Variants in MCM5 observed in about 807,000 individuals in gnomAD.
MCM5 encodes the protein minichromosome maintenance complex component 5, also known as DNA replication licensing factor MCM5.
In MCM5, 46 loss-of-function variants were observed where a neutral mutation model predicts 79.9. The observed-to-expected ratio is 0.58, with a 90% confidence interval of 0.45 to 0.74. The LOEUF is 0.74. Ranked by LOEUF, MCM5 falls within the 30% of genes least tolerant of loss-of-function variation. The pLI is 0.00. For synonymous variants in MCM5, 404 were observed against 390.5 expected (o/e 1.03, Z -0.41); for missense variants, 883 against 1,017.0 (o/e 0.87, Z 1.79).
At chr22:35,415,346 G>A (rs1423051141) in intron 9 of MCM5, among the ~76,000 whole-genome samples, 1 of 152,152 alleles carries the variant, frequency 6.6e-6, no homozygotes, top group African/African-American at 2.4e-5. Context: ...CTTTGAAATC[G>A]TGCGTATTTT....
chr22:35,439,234 T>C, the MCM5 span, among the ~76,000 whole-genome samples: 1 of 151,612 alleles, frequency 6.6e-6, no homozygotes, highest in African/African-American at 2.4e-5. Flanking sequence ...CAAATATTCA[T>C]CCATCCATCC....
At position 35,408,523 on chromosome 22, in the gene MCM5, C is replaced by A. The variant is rs541182164; in HGVS notation, c.712C>A (p.His238Asn). Residue 238 changes from histidine to asparagine, a missense_variant, in exon 6 of 17, where the codon CAC becomes AAC. Around this residue, in one of 3 missense-constraint regions of MCM5, gnomAD observed 455 missense variants for 517.5 expected, o/e 0.88. Transcript: ENST00000216122. ...GCAGGAGCTGCCTGATGCAGTCCCCCACGGGGAGATGCCCAGACACATGCA... is the reference window on the plus strand; with the variant it reads ...GCAGGAGCTGCCTGATGCAGTCCCCAACGGGGAGATGCCCAGACACATGCA... ...KLQELPDAVP[H>N]GEMPRHMQLY... The A allele has an allele frequency of 6.2e-7, 1 of 1,614,122 alleles. No homozygotes were observed. The highest frequency in any genetic ancestry group is 2.2e-5 in the East Asian group (1 of 44,884).
chr22:35,407,711 T>G (rs1040921630), intron 5 of MCM5, among the ~76,000 whole-genome samples: 11 of 152,230 alleles, frequency 7.2e-5, no homozygotes, highest in African/African-American at 2.7e-4. Context: ...ACCCTTCATC[T>G]TCAGTTTGGT....
rs752824762 is a variant in MCM5 at position 35,417,863 on chromosome 22, C to T, written c.1703+7C>T. 3.1e-6 allele frequency: 5 copies of T among 1,610,102 alleles called. No individual in the cohort carries two copies. Among genetic ancestry groups the T allele is most frequent in the East Asian group, 4.5e-5 (2 of 44,878 alleles). ...TTATTGCCTACTGCCGAGTGTGAGT[C>T]CTGGACGCAGGCCCACGGGGGTGAG... On this transcript the variant is annotated splice_region_variant and intron_variant, in intron 13 of 16. Transcript: ENST00000216122.
At chr22:35,446,993 G>A in the MCM5 span, among the ~76,000 whole-genome samples, 13 of 152,320 alleles carry the variant, frequency 8.5e-5, no homozygotes, top group Admixed American at 8.5e-4. Context: ...GCATCAGTCT[G>A]CTCTGCCCCG....
At chr22:35,401,587 A>G (rs1038083454) in intron 2 of MCM5, 15 of 470,544 alleles carry the variant, frequency 3.2e-5, no homozygotes, top group African/African-American at 3.0e-4. Context: ...TAGCTGAGTG[A>G]CTTCCAGGTG....
the MCM5 span, among the ~76,000 whole-genome samples, chr22:35,439,024 T>C: frequency 1.0e-5 from 1 of 99,776 alleles, no homozygotes; most frequent in Non-Finnish European, 2.0e-5. Context: ...TCCATCCACA[T>C]ATTCATCCAT....
intron 6 of MCM5, 27 bp downstream of exon 6, chr22:35,408,590 C>T: frequency 6.3e-7 from 1 of 1,592,390 alleles, no homozygotes; most frequent in Non-Finnish European, 8.6e-7. Flanking sequence ...GGGAGGTGGG[C>T]ATCTACGACG....
chr22:35,450,448 G>T, the MCM5 span, among the ~76,000 whole-genome samples: 1 of 152,110 alleles, frequency 6.6e-6, no homozygotes, highest in Non-Finnish European at 1.5e-5. Flanking sequence ...CTCCCCTCCT[G>T]GGACAGACTC....
intron 4 of MCM5, 139 bp downstream of exon 4, chr22:35,403,681 T>C: frequency 1.8e-6 from 2 of 1,108,644 alleles, no homozygotes; most frequent in Non-Finnish European, 2.5e-6. Context: ...GGATCGTTTG[T>C]TGTTTTTTGC....
In MCM5 at chr22:35,406,613, C is replaced by G. The variant is rs573739349; in HGVS notation, c.484C>G (p.Arg162Gly). ...PGIIIAASAV[R>G]AKATRISIQC... Reference sequence around the variant, plus strand: ...CATCATCATCGCGGCCTCTGCGGTCCGTGCCAAGGCCACCCGCATCTCTAT... The same window carrying G: ...CATCATCATCGCGGCCTCTGCGGTCGGTGCCAAGGCCACCCGCATCTCTAT... Residue 162 changes from arginine (R) to glycine (G), a missense_variant, in exon 5 of 17, where the codon CGT becomes GGT. By Grantham distance (125) the Arg-to-Gly change is moderately radical. Transcript: ENST00000216122. The G allele has an allele frequency of 1.9e-5, 30 of 1,613,376 alleles. No individual in the cohort carries two copies. In the South Asian group the frequency reaches 3.2e-4, roughly 17 times the overall value.
At chr22:35,449,365 C>T in the MCM5 span, among the ~76,000 whole-genome samples, 4 of 152,358 alleles carry the variant, frequency 2.6e-5, no homozygotes, top group East Asian at 5.8e-4. Flanking sequence ...TGTCTCTGCA[C>T]TTAAGTCCAT....
In MCM5 at chr22:35,424,285, C is replaced by T. The variant is rs771533619; in HGVS notation, c.*30C>T. 8 of 1,464,958 alleles carry T rather than the reference C, an allele frequency of 5.5e-6. No individual in the cohort carries two copies. The highest frequency in any genetic ancestry group is 1.3e-5 in the South Asian group (1 of 79,428). 90.7% of individuals were successfully genotyped at this position (1,464,958 alleles called of 1,614,324 possible). ...CGCCGCCTCACTGGACTCATGGACT[C>T]GCCCACGCCTCGCCCCTCCTGCCGC... On this transcript the variant is annotated 3_prime_UTR_variant, in exon 17 of 17. Coordinates refer to ENST00000216122, the MANE Select transcript of MCM5 (RefSeq NM_006739.4).
chr22:35,415,973 G>A lies in MCM5; in HGVS notation c.1347+1G>A. The A allele has an allele frequency of 6.2e-7, 1 of 1,612,356 alleles. No homozygotes were observed. Among genetic ancestry groups the A allele is most frequent in the Non-Finnish European group, 8.5e-7 (1 of 1,178,474 alleles). On this transcript the variant is annotated splice_donor_variant, in intron 10 of 16. Transcript: ENST00000216122. LOFTEE classifies it high-confidence loss of function. ...CGTCTGTATTGACGAGTTTGACAAGGTGAGTCTGATGAGGTGGGTAGTAGC... is the reference window on the plus strand; with the variant it reads ...CGTCTGTATTGACGAGTTTGACAAGATGAGTCTGATGAGGTGGGTAGTAGC...
chr22:35,446,214 G>A, the MCM5 span, among the ~76,000 whole-genome samples: 1 of 152,222 alleles, frequency 6.6e-6, no homozygotes, highest in Admixed American at 6.5e-5. Context: ...AGGAAGTAAC[G>A]TCTTGAGCAG....
intron 13 of MCM5, among the ~76,000 whole-genome samples, chr22:35,418,710 C>G (rs1306960852): frequency 6.6e-6 from 1 of 151,088 alleles, no homozygotes; most frequent in Non-Finnish European, 1.5e-5. Context: ...CACACACACA[C>G]TCACTCTTAC....
chr22:35,405,807 C>T (rs555228873), intron 4 of MCM5, among the ~76,000 whole-genome samples: 41 of 151,762 alleles, frequency 2.7e-4, no homozygotes, highest in African/African-American at 8.9e-4. Flanking sequence ...GTCAAGAGTT[C>T]GAGACCAGCC....
the MCM5 span, among the ~76,000 whole-genome samples, chr22:35,438,801 AT>A: frequency 6.7e-6 from 1 of 149,054 alleles, no homozygotes; most frequent in East Asian, 2.0e-4. Flanking sequence ...CCATCCATCC[AT>A]CCATCCATCC....
chr22:35,419,818 G>A, intron 13 of MCM5, 66 bp from the exon 14 acceptor site: 12 of 1,510,926 alleles, frequency 7.9e-6, no homozygotes, highest in Non-Finnish European at 1.1e-5. Flanking sequence ...AGGGGGCTGG[G>A]GGAAAGGGTA....
Sources: gnomAD v4.1 joint callset for allele counts (sites outside exome capture counted in the v4.1 genomes callset) on GRCh38, gnomAD v4.1.1 for gene constraint, gnomAD v4.1.1 regional missense constraint, MANE v1.5 for transcripts, NCBI Gene and HGNC (gene_info 2026-07-23, HGNC 2026-07-21) for gene names.